IFNG-AS1: variants seen among roughly 807,000 people sequenced by gnomAD.
The protein encoded by IFNG-AS1 is IFNG regulatory antisense RNA 1.
At chr12:68,018,196 G>C (rs975898565) in intron 3 of IFNG-AS1, among the ~76,000 whole-genome samples, 2 of 152,028 alleles carry the variant, frequency 1.3e-5, no homozygotes, top group African/African-American at 2.4e-5. Context: ...ACATGGGTTA[G>C]AGTTATTTAT....
chr12:68,003,425 C>CTTTTTT (rs755483588), intron 2 of IFNG-AS1, among the ~76,000 whole-genome samples: 2 of 142,762 alleles, frequency 1.4e-5, no homozygotes, highest in African/African-American at 5.1e-5. Flanking sequence ...ATATTCCCCC[C>CTTTTTT]TTTTTTTTTT....
At chr12:68,011,375 G>T (rs1014853812) in intron 3 of IFNG-AS1, among the ~76,000 whole-genome samples, 3 of 152,140 alleles carry the variant, frequency 2.0e-5, no homozygotes, top group African/African-American at 4.8e-5. Context: ...CACTGTAAGT[G>T]CAGTCTTTCT....
intron 3 of IFNG-AS1, among the ~76,000 whole-genome samples, chr12:68,015,358 A>C (rs917819199): frequency 4.6e-5 from 7 of 152,192 alleles, no homozygotes; most frequent in African/African-American, 2.4e-5. Flanking sequence ...GGTAGAGTCC[A>C]CGTAAGGTTT....
intron 3 of IFNG-AS1, among the ~76,000 whole-genome samples, chr12:68,007,458 G>A (rs979548113): frequency 6.6e-6 from 1 of 152,174 alleles, no homozygotes; most frequent in East Asian, 1.9e-4. Flanking sequence ...ACTGTGTTGA[G>A]TTTCAATAAT....
chr12:68,006,293 A>G (rs572020243), intron 3 of IFNG-AS1: 1 of 152,370 alleles, frequency 6.6e-6, no homozygotes, highest in Admixed American at 6.5e-5. Flanking sequence ...TAATTTTCAA[A>G]AAAATTCCGA....
At chr12:68,009,120 T>G (rs757313365) in intron 3 of IFNG-AS1, among the ~76,000 whole-genome samples, 5 of 152,236 alleles carry the variant, frequency 3.3e-5, no homozygotes, top group Non-Finnish European at 7.3e-5. Flanking sequence ...AAGTAAAGAT[T>G]AAAAACATCC....
intron 3 of IFNG-AS1, among the ~76,000 whole-genome samples, chr12:68,008,359 T>G (rs1330124132): frequency 2.0e-5 from 3 of 151,026 alleles, no homozygotes; most frequent in Non-Finnish European, 4.4e-5. Context: ...GAGGTTGCAG[T>G]GAGCCAAGAC....
intron 3 of IFNG-AS1, among the ~76,000 whole-genome samples, chr12:68,013,155 T>C (rs888721016): frequency 6.6e-6 from 1 of 152,232 alleles, no homozygotes; most frequent in African/African-American, 2.4e-5. Context: ...TATCCAATTT[T>C]ATTGAATTAG....
chr12:67,995,419 CAAAAAAAAAA>C (rs34141511), intron 1 of IFNG-AS1, among the ~76,000 whole-genome samples: 4 of 78,626 alleles, frequency 5.1e-5, no homozygotes, highest in Admixed American at 1.8e-4. Flanking sequence ...GACTCCATTT[CAAAAAAAAAA>C]AAAAAAAAAA....
rs570738378 is a variant in IFNG-AS1 at position 67,989,731 on chromosome 12, G to A, written n.51+152G>A. 6.5e-5 allele frequency among the ~76,000 whole-genome samples: 9 copies of A among 139,370 alleles called. No individual in the cohort carries two copies. In the East Asian group the frequency reaches 1.7e-3, roughly 27 times the overall value. The allele number at this position is 139,370 out of a possible 152,430, so 91.4% of individuals were successfully genotyped here. ...TCATATCTCTGCTGTGAGGGAGGAA[G>A]AAGAAGGAGGAAGGCTGGGGTGGAG... On this transcript the variant is annotated intron_variant and non_coding_transcript_variant, in intron 1 of 5. Transcript: ENST00000536914.
intron 3 of IFNG-AS1, among the ~76,000 whole-genome samples, chr12:68,017,220 C>A (rs1880175953): frequency 6.6e-6 from 1 of 152,056 alleles, no homozygotes. Flanking sequence ...TATGGCAGGA[C>A]AAGAGGAACG....
chr12:68,009,048 T>C (rs963648340), intron 3 of IFNG-AS1, among the ~76,000 whole-genome samples: 2 of 152,238 alleles, frequency 1.3e-5, no homozygotes, highest in African/African-American at 4.8e-5. Flanking sequence ...TTGACAGCTA[T>C]GTGATCTTAG....
At chr12:68,004,365 G>C (rs150201582) in intron 2 of IFNG-AS1, among the ~76,000 whole-genome samples, 139 of 152,232 alleles carry the variant, frequency 9.1e-4, no homozygotes, top group African/African-American at 3.2e-3. Context: ...GCTTCCTCAG[G>C]ATCTTCCAAG....
At chr12:67,999,585 A>G (rs996758624) in intron 2 of IFNG-AS1, among the ~76,000 whole-genome samples, 1 of 152,220 alleles carries the variant, frequency 6.6e-6, no homozygotes, top group African/African-American at 2.4e-5. Flanking sequence ...ATAATGGAGT[A>G]TAGCATATAG....
At chr12:68,013,653 G>A (rs1880081823) in intron 3 of IFNG-AS1, 1 of 152,186 alleles carries the variant, frequency 6.6e-6, no homozygotes, top group African/African-American at 2.4e-5. Context: ...TTTTGGGTAA[G>A]ATTTGCATTT....
intron 2 of IFNG-AS1, among the ~76,000 whole-genome samples, chr12:67,996,295 C>T (rs1870365080): frequency 6.6e-6 from 1 of 152,110 alleles, no homozygotes; most frequent in South Asian, 2.1e-4. Context: ...AAAGCAGAGG[C>T]CATGTGAATG....
intron 3 of IFNG-AS1, among the ~76,000 whole-genome samples, chr12:68,011,759 C>A (rs1880033832): frequency 6.6e-6 from 1 of 152,162 alleles, no homozygotes; most frequent in South Asian, 2.1e-4. Flanking sequence ...CAGCAAGGGC[C>A]AAAATCAATG....
At chr12:68,020,984 T>C (rs1880274201) in intron 4 of IFNG-AS1, 1 of 152,168 alleles carries the variant, frequency 6.6e-6, no homozygotes, top group Non-Finnish European at 1.5e-5. Flanking sequence ...TTGAATGCAG[T>C]TGTGCACACT....
chr12:68,009,170 T>C (rs1019447026), intron 3 of IFNG-AS1, among the ~76,000 whole-genome samples: 3 of 152,232 alleles, frequency 2.0e-5, no homozygotes, highest in Admixed American at 1.3e-4. Context: ...TAAGACAATA[T>C]GTTTAAAATA....
Sources: gnomAD v4.1 joint callset for allele counts (sites outside exome capture counted in the v4.1 genomes callset) on GRCh38, gnomAD v4.1.1 for gene constraint, MANE v1.5 for transcripts, NCBI Gene and HGNC (gene_info 2026-07-23, HGNC 2026-07-21) for gene names.